Variants in ANO4 observed in about 807,000 individuals in gnomAD.
The protein encoded by ANO4 is anoctamin 4.
Under a neutral mutation model 141.9 loss-of-function variants are expected in ANO4, and 69 were observed. The observed-to-expected ratio is 0.49, with a 90% CI of 0.40 to 0.59. The LOEUF is 0.59. Among genes scored for constraint, ANO4 ranks in the 20% least tolerant of loss-of-function variants. The pLI is 0.00. For synonymous variants in ANO4, 350 were observed against 394.3 expected (o/e 0.89, Z 1.33); for missense variants, 894 against 1,162.2 (o/e 0.77, Z 3.36).
At chr12:101,060,050 G>A (rs374271829) in intron 14 of ANO4, among the ~76,000 whole-genome samples, 5 of 152,232 alleles carry the variant, frequency 3.3e-5, no homozygotes, top group East Asian at 1.9e-4. Flanking sequence ...CACTGCTTCC[G>A]CAGTTTCCCA....
intron 13 of ANO4, chr12:101,048,132 G>A: frequency 1.0e-5 from 11 of 1,083,830 alleles, no homozygotes; most frequent in Non-Finnish European, 1.4e-5. Context: ...CACATAAAGA[G>A]AACAAATTGT....
chr12:100,811,691 A>T (rs1177847127), intron 1 of ANO4, among the ~76,000 whole-genome samples: 2 of 152,184 alleles, frequency 1.3e-5, no homozygotes, highest in Non-Finnish European at 2.9e-5. Context: ...TTCTAGTTTG[A>T]TGCAGATTAT....
chr12:100,903,892 G>T (rs1470120482), intron 2 of ANO4, among the ~76,000 whole-genome samples: 1 of 152,190 alleles, frequency 6.6e-6, no homozygotes, highest in East Asian at 1.9e-4. Context: ...GGCCAAGTTG[G>T]TTCATCAAAT....
chr12:100,821,722 C>T (rs7306032), intron 1 of ANO4, among the ~76,000 whole-genome samples: 68,570 of 151,908 alleles, frequency 0.45, 16,746 homozygotes, highest in Non-Finnish European at 0.55. Context: ...AGATGCAAAA[C>T]GCCATAATTT....
At chr12:100,939,272 C>T (rs1211171437) in intron 3 of ANO4, 43 bp from the exon 4 acceptor site, 1 of 1,571,194 alleles carries the variant, frequency 6.4e-7, no homozygotes, top group Non-Finnish European at 8.7e-7. Flanking sequence ...TTTCAAGATC[C>T]CAGATTTTTA....
chr12:100,876,376 T>G (rs2039311034), intron 1 of ANO4, among the ~76,000 whole-genome samples: 1 of 149,630 alleles, frequency 6.7e-6, no homozygotes, highest in Admixed American at 6.7e-5. Context: ...AGGATAAAAA[T>G]CCTGTTGGAA....
chr12:100,819,879 A>G (rs1194575567), intron 1 of ANO4, among the ~76,000 whole-genome samples: 4 of 151,694 alleles, frequency 2.6e-5, no homozygotes, highest in Admixed American at 2.6e-4. Context: ...GCTTACTCCA[A>G]CTCCATGCAC....
chr12:100,740,122 T>G, intron 3 of ANO4: 1 of 701,352 alleles, frequency 1.4e-6, no homozygotes, highest in Non-Finnish European at 2.6e-6. Flanking sequence ...GTTGGCTTCC[T>G]GTTGGAGATT....
chr12:101,045,296 A>G lies in ANO4; in HGVS notation c.1251+1661A>G, dbSNP rs976421225. On this transcript the variant is annotated intron_variant, in intron 13 of 27. Coordinates refer to ENST00000392977, the MANE Select transcript of ANO4 (RefSeq NM_001286615.2). ...TCAAAGAGGTAAAAATTACTCATGC[A>G]TGGTCATGCAGCAATAAGTAGCTGG... Among the ~76,000 whole-genome samples, 11 of 152,364 alleles carry G rather than the reference A, an allele frequency of 7.2e-5. No homozygotes were observed. The East Asian group carries it at 1.7e-3, about 24-fold the overall frequency.
At chr12:101,006,322 A>G (rs2045869796) in intron 8 of ANO4, among the ~76,000 whole-genome samples, 1 of 152,118 alleles carries the variant, frequency 6.6e-6, no homozygotes, top group African/African-American at 2.4e-5. Flanking sequence ...AATCATCATT[A>G]CTGTCAAATA....
rs776940513 is a variant in ANO4, at chr12:101,086,662, C to G, written c.1539C>G (p.Ile513Met). Residue 513 changes from isoleucine to methionine, a missense_variant and splice_region_variant, in exon 17 of 28, where the codon ATC becomes ATG. By Grantham distance (10) the Ile-to-Met change is conservative. Around this residue, in one of 2 missense-constraint regions of ANO4, gnomAD observed 637 missense variants for 909.2 expected, o/e 0.70. Coordinates refer to ENST00000392977, the MANE Select transcript of ANO4 (RefSeq NM_001286615.2). ...IVSASGIFFM[I>M]CVVIAAVFGI... The stretch of plus-strand genomic sequence containing the variant: ...CGGGTGTCTTGTCTTCCTGCCAGAT[C>G]TGCGTGGTGATTGCTGCCGTGTTCG... The G allele has an allele frequency of 6.2e-7, 1 of 1,613,344 alleles. No individual in the cohort carries two copies. Among genetic ancestry groups the G allele is most frequent in the Non-Finnish European group, 8.5e-7 (1 of 1,179,712 alleles).
intron 9 of ANO4, among the ~76,000 whole-genome samples, chr12:101,027,114 T>A (rs970077535): frequency 6.6e-6 from 1 of 152,014 alleles, no homozygotes; most frequent in African/African-American, 2.4e-5. Context: ...CGGCAGCCCG[T>A]CTGAGAGCCA....
chr12:100,806,103 T>C (rs2035006271), intron 1 of ANO4, among the ~76,000 whole-genome samples: 1 of 152,176 alleles, frequency 6.6e-6, no homozygotes, highest in African/African-American at 2.4e-5. Context: ...CTGGAGGGAA[T>C]AGCCAGGAGA....
chr12:100,863,389 A>G (rs1351812749), intron 1 of ANO4, among the ~76,000 whole-genome samples: 1 of 152,168 alleles, frequency 6.6e-6, no homozygotes, highest in Non-Finnish European at 1.5e-5. Context: ...AAATGAAGGC[A>G]TTGACTTTCA....
At position 100,944,706 on chromosome 12, in the gene ANO4, A is replaced by G. The variant is rs545935077; in HGVS notation, c.456+2171A>G. On this transcript the variant is annotated intron_variant, in intron 5 of 27. Coordinates refer to ENST00000392977, the MANE Select transcript of ANO4 (RefSeq NM_001286615.2). Reference sequence around the variant, plus strand: ...ATGCAGCCTCCCAGCTCTGCTTTGCATCTTCGTGGACTCAGTCAGCTCAGC... The same window carrying G: ...ATGCAGCCTCCCAGCTCTGCTTTGCGTCTTCGTGGACTCAGTCAGCTCAGC... 2.6e-5 allele frequency among the ~76,000 whole-genome samples: 4 copies of G among 152,286 alleles called. No individual in the cohort carries two copies. In the East Asian group the frequency reaches 7.7e-4, roughly 29 times the overall value.
intron 1 of ANO4, among the ~76,000 whole-genome samples, chr12:100,879,594 A>G (rs1392355563): frequency 6.6e-6 from 1 of 152,172 alleles, no homozygotes; most frequent in African/African-American, 2.4e-5. Context: ...TTAGAGAAAG[A>G]TACACAGACG....
At chr12:100,890,379 T>A (rs1315087386) in intron 1 of ANO4, among the ~76,000 whole-genome samples, 1 of 152,242 alleles carries the variant, frequency 6.6e-6, no homozygotes, top group African/African-American at 2.4e-5. Flanking sequence ...TGTTAGTATG[T>A]CTTATCATTT....
chr12:100,974,926 T>C (rs1352979598), intron 7 of ANO4, 37 bp downstream of exon 7: 4 of 1,610,290 alleles, frequency 2.5e-6, no homozygotes, highest in Non-Finnish European at 3.4e-6. Flanking sequence ...TGTTTGTCTT[T>C]CTGTTGGCCC....
intron 3 of ANO4, among the ~76,000 whole-genome samples, chr12:100,789,554 A>C (rs1016743520): frequency 6.6e-6 from 1 of 152,230 alleles, no homozygotes; most frequent in African/African-American, 2.4e-5. Flanking sequence ...TGTAGCTCAG[A>C]AAAGTTCTCA....
Sources: gnomAD v4.1 joint callset for allele counts (sites outside exome capture counted in the v4.1 genomes callset) on GRCh38, gnomAD v4.1.1 for gene constraint, gnomAD v4.1.1 regional missense constraint, MANE v1.5 for transcripts, NCBI Gene and HGNC (gene_info 2026-07-23, HGNC 2026-07-21) for gene names.